The following SLC12A8 variants were observed in gnomAD, a reference collection of about 807,000 sequenced individuals.
SLC12A8 encodes solute carrier family 12 member 8, also known as cation-chloride cotransporter 9.
In SLC12A8, 69 loss-of-function variants were observed where a neutral mutation model predicts 75.6. The observed-to-expected ratio is 0.91, with a 90% CI of 0.75 to 1.11. The LOEUF (loss-of-function observed/expected upper bound fraction) is 1.11. Among genes scored for constraint, SLC12A8 ranks in the 50% most tolerant of loss-of-function variants. The pLI is 0.00. For missense variants in SLC12A8, 877 were observed against 896.7 expected (o/e 0.98, Z 0.28); for synonymous variants, 365 against 372.8 (o/e 0.98, Z 0.24).
In SLC12A8 at chr3:125,187,119, G is replaced by A. The variant is rs140637527; in HGVS notation, c.390+118C>T. ...TTCCCTTCAGAGCCCCAACCTGCTCGTCTGTCACATGCGGCAATTGTCCCC... is the reference window on the plus strand; with the variant it reads ...TTCCCTTCAGAGCCCCAACCTGCTCATCTGTCACATGCGGCAATTGTCCCC... On this transcript the variant is annotated intron_variant, in intron 4 of 13. Coordinates refer to ENST00000469902, the MANE Select transcript of SLC12A8 (RefSeq NM_024628.6). The A allele has an allele frequency of 5.8e-3, 5,696 of 982,316 alleles. 31 individuals are homozygous for A. Among genetic ancestry groups the A allele is most frequent in the Middle Eastern group, 0.025 (77 of 3,098 alleles). 60.8% of individuals were successfully genotyped at this position (982,316 alleles called of 1,614,324 possible). A position where few individuals can be genotyped will look rare whatever the true frequency, so the allele number is the denominator to read the frequency against.
At chr3:125,156,444 G>C (rs761122646) in intron 5 of SLC12A8, among the ~76,000 whole-genome samples, 14 of 152,148 alleles carry the variant, frequency 9.2e-5, no homozygotes, top group Non-Finnish European at 2.1e-4. Flanking sequence ...CTTATGGCAG[G>C]ATCTTGGACC....
intron 2 of SLC12A8, among the ~76,000 whole-genome samples, chr3:125,208,789 C>CAGAGAGAGAGAGAGAGAG (rs1272180422): frequency 3.0e-5 from 3 of 98,522 alleles, no homozygotes; most frequent in East Asian, 2.4e-4. Context: ...CACACACACA[C>CAGAGAGAGAGAGAGAGAG]ACAGAGAGAG....
intron 2 of SLC12A8, chr3:125,192,444 T>C (rs702043): frequency 0.26 from 40,305 of 152,260 alleles, 5,666 homozygotes; most frequent in South Asian, 0.47. Flanking sequence ...GGTTTCAAAT[T>C]CTAACACTCT....
chr3:125,084,541 G>T (rs561242076), intron 13 of SLC12A8, among the ~76,000 whole-genome samples: 1 of 152,234 alleles, frequency 6.6e-6, no homozygotes, highest in East Asian at 1.9e-4. Context: ...GGACTGCAAA[G>T]GCTTTTGACA....
intron 2 of SLC12A8, among the ~76,000 whole-genome samples, chr3:125,210,120 T>A (rs1935306862): frequency 6.6e-6 from 1 of 152,230 alleles, no homozygotes; most frequent in Admixed American, 6.5e-5. Flanking sequence ...AACTCTCTCT[T>A]AGGGCACTTA....
rs534884936 is a variant in SLC12A8 at position 125,155,673 on chromosome 3, C to T, written c.623-19891G>A. Among the ~76,000 whole-genome samples the T allele has an allele frequency of 2.8e-5, 4 of 143,698 alleles. No individual in the cohort carries two copies. The East Asian group carries it at 8.3e-4, about 30-fold the overall frequency. The allele number at this position is 143,698 out of a possible 152,430, so 94.3% of individuals were successfully genotyped here. On this transcript the variant is annotated intron_variant, in intron 5 of 13. Coordinates refer to ENST00000469902, the MANE Select transcript of SLC12A8 (RefSeq NM_024628.6). ...GGCTGAGACAGGAGGATGGCATGAA[C>T]CTGGGAGGCGGAGCTTGCAGTGAGC...
At chr3:125,189,742 G>C (rs1164953963) in intron 3 of SLC12A8, among the ~76,000 whole-genome samples, 2 of 152,204 alleles carry the variant, frequency 1.3e-5, no homozygotes, top group African/African-American at 4.8e-5. Flanking sequence ...CCCACTGCAT[G>C]AGATGGCACT....
At chr3:125,177,624 C>T in intron 5 of SLC12A8, 119 bp downstream of exon 5, 1 of 661,578 alleles carries the variant, frequency 1.5e-6, no homozygotes, top group Non-Finnish European at 2.5e-6. Flanking sequence ...CAGCTCACAC[C>T]AATTGTAGGT....
At chr3:125,170,496 T>C (rs1413217755) in intron 5 of SLC12A8, among the ~76,000 whole-genome samples, 2 of 152,252 alleles carry the variant, frequency 1.3e-5, no homozygotes, top group East Asian at 3.8e-4. Context: ...TTGAAGGATA[T>C]CCATGATATG....
chr3:125,131,231 T>C, intron 6 of SLC12A8, among the ~76,000 whole-genome samples: 1 of 152,214 alleles, frequency 6.6e-6, no homozygotes, highest in East Asian at 1.9e-4. Flanking sequence ...TTTTGGCTTC[T>C]GTTTCTCAAA....
chr3:125,095,524 A>G (rs1938692481), intron 10 of SLC12A8, among the ~76,000 whole-genome samples: 1 of 152,236 alleles, frequency 6.6e-6, no homozygotes, highest in African/African-American at 2.4e-5. Context: ...CAGCTAGAGT[A>G]CAGTCCACAG....
chr3:125,180,495 C>G (rs932927127), intron 4 of SLC12A8, among the ~76,000 whole-genome samples: 2 of 152,108 alleles, frequency 1.3e-5, no homozygotes, highest in African/African-American at 4.8e-5. Flanking sequence ...AAGTCTGAGA[C>G]TAGCCTGGGC....
At chr3:125,156,271 C>A (rs1189622263) in intron 5 of SLC12A8, among the ~76,000 whole-genome samples, 2 of 152,158 alleles carry the variant, frequency 1.3e-5, no homozygotes, top group African/African-American at 4.8e-5. Flanking sequence ...ATGGGGCTGG[C>A]CAAGGTTCAC....
At chr3:125,181,463 C>T (rs934150228) in intron 4 of SLC12A8, among the ~76,000 whole-genome samples, 13 of 149,486 alleles carry the variant, frequency 8.7e-5, no homozygotes, top group South Asian at 6.4e-4. Flanking sequence ...TAGCCGGGCG[C>T]GGTGGCGGGC....
chr3:125,203,205 A>T (rs1472819500), intron 2 of SLC12A8, among the ~76,000 whole-genome samples: 2 of 151,896 alleles, frequency 1.3e-5, no homozygotes, highest in African/African-American at 4.8e-5. Flanking sequence ...TACCAATGAC[A>T]TTGTTCACAT....
At chr3:125,118,627 T>G in intron 8 of SLC12A8, 142 bp downstream of exon 8, 1 of 598,548 alleles carries the variant, frequency 1.7e-6, no homozygotes, top group African/African-American at 1.9e-5. Flanking sequence ...AGACCCTGTC[T>G]CAAAAAATAA....
rs770080451 is a variant in SLC12A8, at chr3:125,110,209, G to A, written c.1039C>T (p.Leu347Phe). Reference sequence around the variant, plus strand: ...CTCACCCCTTGTCCCAGACAGGCAAGTGCAGGGATCACTTTCTCCTGGGCA... The same window carrying A: ...CTCACCCCTTGTCCCAGACAGGCAAATGCAGGGATCACTTTCTCCTGGGCA... Reference protein sequence around the residue: ...CIAQEKVIPALACLGQGKGPN... With the variant: ...CIAQEKVIPAFACLGQGKGPN... The change falls in exon 9 of 14, where the codon CTT becomes TTT. Residue 347 changes from leucine (L) to phenylalanine (F), a missense_variant. Physicochemically the swap from Leu to Phe is conservative, Grantham distance 22. Transcript: ENST00000469902. 1.4e-5 allele frequency: 23 copies of A among 1,613,656 alleles called. No homozygotes were observed. The highest frequency in any genetic ancestry group is 1.8e-5 in the Non-Finnish European group (21 of 1,179,764).
At chr3:125,090,367 T>C (rs537042431) in intron 12 of SLC12A8, among the ~76,000 whole-genome samples, 36 of 152,348 alleles carry the variant, frequency 2.4e-4, no homozygotes, top group African/African-American at 8.7e-4. Flanking sequence ...AAATGTTTCA[T>C]GTATAATTGA....
chr3:125,133,060 G>A (rs1270792219), intron 6 of SLC12A8, among the ~76,000 whole-genome samples: 1 of 152,186 alleles, frequency 6.6e-6, no homozygotes, highest in Non-Finnish European at 1.5e-5. Context: ...AGACAGGCTT[G>A]CAATTCCCAA....
Sources: gnomAD v4.1 joint callset for allele counts (sites outside exome capture counted in the v4.1 genomes callset) on GRCh38, gnomAD v4.1.1 for gene constraint, MANE v1.5 for transcripts, NCBI Gene and HGNC (gene_info 2026-07-23, HGNC 2026-07-21) for gene names.